The following TACC2 variants were observed in gnomAD, a reference collection of about 807,000 sequenced individuals.
TACC2 encodes transforming acidic coiled-coil containing protein 2.
TACC2 carries 137 observed loss-of-function variants against 227.3 expected under a neutral mutation model. That is an observed-to-expected ratio of 0.60 (90% CI 0.52 to 0.69). TACC2 has a LOEUF of 0.69. Ranked by LOEUF, TACC2 falls within the 30% of genes least tolerant of loss-of-function variation. TACC2 has a pLI of 0.00. For missense variants in TACC2, 3,470 were observed against 3,694.4 expected, an observed-to-expected ratio of 0.94 and a Z score of 1.57; for synonymous variants, 1,523 against 1,487.5, an observed-to-expected ratio of 1.02 and a Z score of -0.55.
intron 3 of TACC2, among the ~76,000 whole-genome samples, chr10:122,078,010 T>G: frequency 6.6e-6 from 1 of 151,660 alleles, no homozygotes; most frequent in African/African-American, 2.4e-5. Flanking sequence ...GCCTGGCCAA[T>G]ATGGTGAAAT....
rs376178656 is a variant in TACC2, at chr10:122,132,076, AAGAAAG to A, written c.5574-525_5574-520del. ...AGAAAGAAAGAAAGAAAAAGAAAGA[AAGAAAG>A]AGAAAGATCTACAAAGGTTTCTAAA... On this transcript the variant is annotated intron_variant, in intron 5 of 22. Transcript: ENST00000369005. Among the ~76,000 whole-genome samples the A allele has an allele frequency of 1.5e-4, 15 of 98,376 alleles. 2 individuals are homozygous for A. Among genetic ancestry groups the A allele is most frequent in the African/African-American group, 7.0e-4 (15 of 21,444 alleles). The allele number at this position is 98,376 out of a possible 152,430, so 64.5% of individuals were successfully genotyped here. A position where few individuals can be genotyped will look rare whatever the true frequency, so the allele number is the denominator to read the frequency against.
At chr10:122,039,579 G>A (rs1195793794) in intron 2 of TACC2, among the ~76,000 whole-genome samples, 2 of 152,158 alleles carry the variant, frequency 1.3e-5, no homozygotes, top group African/African-American at 4.8e-5. Context: ...GGGCCTTCAG[G>A]CAGATGAGGG....
At chr10:122,151,846 T>C (rs2092076071) in intron 7 of TACC2, among the ~76,000 whole-genome samples, 1 of 152,158 alleles carries the variant, frequency 6.6e-6, no homozygotes, top group Admixed American at 6.5e-5. Context: ...GAGCATTTGC[T>C]CTGTGCAAGG....
At chr10:122,123,564 T>C (rs913485434) in intron 5 of TACC2, among the ~76,000 whole-genome samples, 2 of 152,340 alleles carry the variant, frequency 1.3e-5, no homozygotes, top group South Asian at 2.1e-4. Context: ...CCGCATGTCG[T>C]GGTGCCTGTG....
chr10:122,148,973 C>T (rs1167055517), intron 7 of TACC2, among the ~76,000 whole-genome samples: 1 of 152,254 alleles, frequency 6.6e-6, no homozygotes, highest in Non-Finnish European at 1.5e-5. Context: ...CTTTCCCCTC[C>T]ATCGTAGCCC....
At chr10:122,120,783 C>A (rs1182540319) in intron 5 of TACC2, among the ~76,000 whole-genome samples, 1 of 151,164 alleles carries the variant, frequency 6.6e-6, no homozygotes, top group Non-Finnish European at 1.5e-5. Context: ...TTTTTTGAGA[C>A]GGAGTCCTGC....
At chr10:122,133,888 A>T (rs945109255) in intron 6 of TACC2, among the ~76,000 whole-genome samples, 1 of 152,210 alleles carries the variant, frequency 6.6e-6, no homozygotes, top group African/African-American at 2.4e-5. Flanking sequence ...CCAAGATGGC[A>T]TTGGGCAGGC....
Position 122,050,606 on chromosome 10 carries a change from C to T in TACC2, c.146+56C>T. The stretch of plus-strand genomic sequence containing the variant: ...GCCCAAGGACTGCCCCGCTCATTGC[C>T]TGCTCCAGCATTAGCTTTGCCCCAT... On this transcript the variant is annotated intron_variant, in intron 3 of 22. Transcript: ENST00000369005. The surrounding 1 kb of genome is among the most constrained non-coding windows in gnomAD (Gnocchi z 4.6). 1 of 1,384,206 alleles carries T rather than the reference C, an allele frequency of 7.2e-7. No homozygotes were observed. The highest frequency in any genetic ancestry group is 1.0e-6 in the Non-Finnish European group (1 of 979,164). 85.7% of individuals were successfully genotyped at this position (1,384,206 alleles called of 1,614,324 possible).
chr10:122,133,930 G>A (rs984945668), intron 6 of TACC2, among the ~76,000 whole-genome samples: 3 of 152,210 alleles, frequency 2.0e-5, no homozygotes, highest in Non-Finnish European at 4.4e-5. Flanking sequence ...TGAACCAGAT[G>A]AGGGGGGGAC....
At chr10:122,035,700 C>T (rs1358983385) in intron 2 of TACC2, among the ~76,000 whole-genome samples, 1 of 152,150 alleles carries the variant, frequency 6.6e-6, no homozygotes, top group Non-Finnish European at 1.5e-5. Flanking sequence ...CACCGCCATC[C>T]ATCTCCAGAA....
intron 5 of TACC2, among the ~76,000 whole-genome samples, chr10:122,131,802 A>G (rs2088169366): frequency 6.6e-6 from 1 of 151,782 alleles, no homozygotes; most frequent in African/African-American, 2.4e-5. Flanking sequence ...CGGGCAGACC[A>G]CTTGAACCTA....
At chr10:122,007,492 A>G (rs1322725320) in intron 1 of TACC2, among the ~76,000 whole-genome samples, 1 of 152,038 alleles carries the variant, frequency 6.6e-6, no homozygotes, top group East Asian at 1.9e-4. Context: ...TGTGTGAAAT[A>G]TTATCTCCTT....
intron 3 of TACC2, among the ~76,000 whole-genome samples, chr10:122,070,003 C>T (rs1468566924): frequency 1.3e-5 from 2 of 152,134 alleles, no homozygotes; most frequent in Non-Finnish European, 2.9e-5. Flanking sequence ...GCCAGCTTGG[C>T]GCCCAGTAAT....
chr10:122,243,892 C>G (rs1016871826), intron 19 of TACC2, among the ~76,000 whole-genome samples: 5 of 152,164 alleles, frequency 3.3e-5, no homozygotes, highest in African/African-American at 1.2e-4. Context: ...TGAGAGAAAG[C>G]TACCCAAGCC....
intron 8 of TACC2, among the ~76,000 whole-genome samples, chr10:122,202,774 G>A (rs2094913966): frequency 6.7e-6 from 1 of 150,168 alleles, no homozygotes; most frequent in South Asian, 2.1e-4. Context: ...GTGAACAAAG[G>A]TCTCCGGTTT....
rs531356244 is a variant in TACC2, at chr10:122,069,024, C to T, written c.147-13623C>T. On this transcript the variant is annotated intron_variant, in intron 3 of 22. Coordinates refer to ENST00000369005, the MANE Select transcript of TACC2 (RefSeq NM_206862.4). Reference sequence around the variant, plus strand: ...ACCTTTCAGGTGTTCTGTACCTTACCTTAGGGGGTTTCTACACCTGCACAT... The same window carrying T: ...ACCTTTCAGGTGTTCTGTACCTTACTTTAGGGGGTTTCTACACCTGCACAT... Among the ~76,000 whole-genome samples the T allele has an allele frequency of 4.9e-5, 5 of 102,668 alleles. No individual in the cohort carries two copies. In the South Asian group the frequency reaches 1.4e-3, roughly 28 times the overall value. 67.4% of individuals were successfully genotyped at this position (102,668 alleles called of 152,430 possible). A position where few individuals can be genotyped will look rare whatever the true frequency, so the allele number is the denominator to read the frequency against.
intron 3 of TACC2, among the ~76,000 whole-genome samples, chr10:122,054,007 G>A (rs2075973328): frequency 6.6e-6 from 1 of 152,178 alleles, no homozygotes; most frequent in Admixed American, 6.5e-5. Flanking sequence ...TGGTCCCTCT[G>A]CTCAGGCATC....
Position 122,238,028 on chromosome 10 carries a change from T to A in TACC2, c.8339T>A (p.Met2780Lys). The change falls in exon 18 of 23, where the codon ATG becomes AAG. Residue 2780 changes from methionine (M) to lysine (K), a missense_variant. Met to Lys is a moderately conservative substitution (Grantham distance 95). Around this residue, in one of 10 missense-constraint regions of TACC2, gnomAD observed 65 missense variants for 119.3 expected, o/e 0.54. Coordinates refer to ENST00000369005, the MANE Select transcript of TACC2 (RefSeq NM_206862.4). ...TATGAAGAAAGCAGGCGGGAAGTGA[T>A]GGAAATGAGGTCAGTTGGGGAGCTG... ...DKYEESRREV[M>K]EMRKIVAEYE... 6.2e-7 allele frequency: 1 copy of A among 1,614,006 alleles called. No individual in the cohort carries two copies. The highest frequency in any genetic ancestry group is 1.3e-5 in the African/African-American group (1 of 75,006).
In TACC2 at chr10:122,210,481, CCTT is replaced by C. The variant is rs773619764; in HGVS notation, c.6059_6061del (p.Phe2020del). On this transcript the variant is annotated inframe_deletion, in exon 9 of 23. Coordinates refer to ENST00000369005, the MANE Select transcript of TACC2 (RefSeq NM_206862.4). This position sits in a 1 kb window ranked among gnomAD's most constrained non-coding sequence, Gnocchi z 4.6. ...AGTCCCTTCCGTCCCCCGTCACACT[CCTT>C]CTCTGCCGTCTTCGATGAAGACAAG... 1.2e-6 allele frequency: 2 copies of C among 1,614,126 alleles called. No individual in the cohort carries two copies. The highest frequency in any genetic ancestry group is 8.5e-7 in the Non-Finnish European group (1 of 1,180,020).
Sources: gnomAD v4.1 joint callset for allele counts (sites outside exome capture counted in the v4.1 genomes callset) on GRCh38, gnomAD v4.1.1 for gene constraint, gnomAD v4.1.1 regional missense constraint, Gnocchi (gnomAD v3.1) non-coding constraint, MANE v1.5 for transcripts, NCBI Gene and HGNC (gene_info 2026-07-23, HGNC 2026-07-21) for gene names.